The following AGBL3 variants were observed in gnomAD, a reference collection of about 807,000 sequenced individuals.
AGBL3 encodes the protein cytosolic carboxypeptidase 3.
Under a neutral mutation model 94.5 loss-of-function variants are expected in AGBL3, and 68 were observed. The ratio of observed to expected loss-of-function variants is 0.72; its 90% CI spans 0.59 to 0.88. The LOEUF is 0.88. Ranked by LOEUF, AGBL3 falls within the 40% of genes least tolerant of loss-of-function variation. AGBL3 has a pLI of 0.00. For missense variants in AGBL3, 934 were observed against 1,103.8 expected, an observed-to-expected ratio of 0.85 and a Z score of 2.18; for synonymous variants, 354 against 370.7, an observed-to-expected ratio of 0.95 and a Z score of 0.52.
intron 4 of AGBL3, among the ~76,000 whole-genome samples, chr7:134,999,896 G>A (rs1431695652): frequency 2.0e-5 from 3 of 152,176 alleles, no homozygotes; most frequent in Non-Finnish European, 4.4e-5. Context: ...ACAGGATGTT[G>A]ATTATCCACC....
intron 11 of AGBL3, among the ~76,000 whole-genome samples, chr7:135,052,858 T>C (rs1818002516): frequency 6.6e-6 from 1 of 152,168 alleles, no homozygotes; most frequent in South Asian, 2.1e-4. Flanking sequence ...TTATGGTAAA[T>C]TGGGACATAA....
At chr7:135,063,382 C>T (rs762894940) in intron 12 of AGBL3, among the ~76,000 whole-genome samples, 9 of 151,936 alleles carry the variant, frequency 5.9e-5, no homozygotes, top group Admixed American at 1.3e-4. Context: ...TCTGCTAACT[C>T]CATGCTTAGT....
rs1369173404 is a variant in AGBL3 at position 134,993,524 on chromosome 7, G to A, written c.156G>A (p.Arg52=). 3 of 1,549,532 alleles carry A rather than the reference G, an allele frequency of 1.9e-6. No individual in the cohort carries two copies. Among genetic ancestry groups the A allele is most frequent in the Non-Finnish European group, 1.7e-6 (2 of 1,146,166 alleles). Reference sequence around the variant, plus strand: ...CTTTTGGTGATCCCTTCTTCCCCCGGACTACACAGATACTATTAGAATATC... The same window carrying A: ...CTTTTGGTGATCCCTTCTTCCCCCGAACTACACAGATACTATTAGAATATC... The part of the protein sequence containing the change: ...ADSFGDPFFP[R]TTQILLEYQL... The change falls in exon 4 of 17, where the codon CGG becomes CGA. Residue 52 remains arginine (R), a synonymous_variant. Transcript: ENST00000436302.
intron 15 of AGBL3, among the ~76,000 whole-genome samples, chr7:135,082,556 T>C (rs1821004693): frequency 8.7e-6 from 1 of 115,030 alleles, no homozygotes; most frequent in African/African-American, 3.0e-5. Context: ...TTTCCATTAA[T>C]GCAGTTTAAG....
At chr7:135,110,460 G>A (rs151079560) in intron 15 of AGBL3, among the ~76,000 whole-genome samples, 10 of 152,128 alleles carry the variant, frequency 6.6e-5, no homozygotes, top group African/African-American at 2.4e-4. Flanking sequence ...ATAACCCTAT[G>A]TGTCAGACTG....
At chr7:135,040,885 C>CAAAACACA (rs60759991) in intron 8 of AGBL3, among the ~76,000 whole-genome samples, 1 of 120,974 alleles carries the variant, frequency 8.3e-6, no homozygotes. Flanking sequence ...CACACACACA[C>CAAAACACA]CACACACACA....
chr7:135,046,228 G>A (rs1817345612), intron 11 of AGBL3, among the ~76,000 whole-genome samples: 1 of 151,984 alleles, frequency 6.6e-6, no homozygotes, highest in Admixed American at 6.6e-5. Flanking sequence ...AGCAGTTTTA[G>A]ATTCACAGCA....
At chr7:134,988,843 A>G (rs961162627) in intron 2 of AGBL3, among the ~76,000 whole-genome samples, 3 of 152,144 alleles carry the variant, frequency 2.0e-5, no homozygotes, top group Admixed American at 1.3e-4. Context: ...TCACCATGTT[A>G]GCCAGGCTGG....
At chr7:135,002,527 GC>G (rs1043927436) in intron 4 of AGBL3, among the ~76,000 whole-genome samples, 1 of 152,052 alleles carries the variant, frequency 6.6e-6, no homozygotes, top group Non-Finnish European at 1.5e-5. Flanking sequence ...GTGGCCCAGA[GC>G]CCCCCACCAC....
chr7:135,082,988 A>G (rs1821044012), intron 15 of AGBL3, among the ~76,000 whole-genome samples: 1 of 152,094 alleles, frequency 6.6e-6, no homozygotes, highest in Non-Finnish European at 1.5e-5. Flanking sequence ...TCTTCCTCAC[A>G]TATTCTCAAT....
At chr7:135,101,824 T>C (rs915603442) in intron 15 of AGBL3, among the ~76,000 whole-genome samples, 8 of 152,198 alleles carry the variant, frequency 5.3e-5, no homozygotes, top group Non-Finnish European at 1.2e-4. Context: ...CATCTTCAAT[T>C]ATAGCTCCCA....
chr7:135,023,622 C>T (rs1814756018), intron 5 of AGBL3, among the ~76,000 whole-genome samples: 1 of 152,152 alleles, frequency 6.6e-6, no homozygotes, highest in Non-Finnish European at 1.5e-5. Flanking sequence ...CATAGGTGCC[C>T]ATCTTCTAAT....
intron 15 of AGBL3, among the ~76,000 whole-genome samples, chr7:135,091,237 T>C (rs1323583051): frequency 1.3e-5 from 2 of 152,146 alleles, no homozygotes; most frequent in Admixed American, 1.3e-4. Context: ...GGGTTTCTGT[T>C]ACTCCTCTCA....
intron 15 of AGBL3, among the ~76,000 whole-genome samples, chr7:135,106,122 A>ACGG (rs1824675434): frequency 6.6e-6 from 1 of 152,152 alleles, no homozygotes; most frequent in Non-Finnish European, 1.5e-5. Flanking sequence ...TTGTCAGCTG[A>ACGG]AGGAGCTTTT....
Position 135,044,149 on chromosome 7 carries a change from T to C in AGBL3, c.1625T>C (p.Leu542Pro). 2 of 1,548,440 alleles carry C rather than the reference T, an allele frequency of 1.3e-6. No homozygotes were observed. Among genetic ancestry groups the C allele is most frequent in the Middle Eastern group, 1.7e-4 (1 of 5,962 alleles). Reference protein sequence around the residue: ...TMEATFCGSTLGNKRGTHFST... With the variant: ...TMEATFCGSTPGNKRGTHFST... ...GAGGCCACCTTCTGTGGATCTACTC[T>C]GGGTAAGACCAAGGGTTCTCATTCA... is the stretch of plus-strand genomic sequence containing the variant. Residue 542 changes from leucine (L) to proline (P), a missense_variant and splice_region_variant, in exon 9 of 17, where the codon CTG becomes CCG. Physicochemically the swap from Leu to Pro is moderately conservative, Grantham distance 98. Coordinates refer to ENST00000436302, the MANE Select transcript of AGBL3 (RefSeq NM_178563.4).
Position 135,079,975 on chromosome 7 carries a change from AAATATAGTATC to A in AGBL3, c.1981-222_1981-212del, listed in dbSNP as rs537102131. On this transcript the variant is annotated intron_variant, in intron 13 of 16. Transcript: ENST00000436302. The stretch of plus-strand genomic sequence containing the variant: ...AATTTTTAAGCCCCCTTTACTGCCA[AAATATAGTATC>A]AATATTTTCTTCTACTCATTGATGC... Among the ~76,000 whole-genome samples the A allele has an allele frequency of 1.2e-3, 190 of 152,218 alleles. 3 individuals carry two copies. Among genetic ancestry groups the A allele is most frequent in the African/African-American group, 4.5e-3 (188 of 41,544 alleles).
At chr7:135,112,940 T>TCAGC (rs1825847843) in intron 15 of AGBL3, among the ~76,000 whole-genome samples, 2 of 152,210 alleles carry the variant, frequency 1.3e-5, no homozygotes, top group African/African-American at 4.8e-5. Flanking sequence ...CCATGCCGAC[T>TCAGC]TAATTTTTGT....
rs185848266 is a variant in AGBL3, at chr7:135,059,785, A to C, written c.1908+550A>C. On this transcript the variant is annotated intron_variant, in intron 12 of 16. Transcript: ENST00000436302. ...AGGTGGAGATTGCAGTTTGGGATAG[A>C]GGCTACCAAAGTGAAAGATAAATAC... is the stretch of plus-strand genomic sequence containing the variant. 1.8e-3 allele frequency among the ~76,000 whole-genome samples: 281 copies of C among 152,330 alleles called. 2 individuals carry two copies. The highest frequency in any genetic ancestry group is 0.018 in the Admixed American group (280 of 15,292).
At chr7:135,123,585 T>A (rs1562898612) in intron 16 of AGBL3, among the ~76,000 whole-genome samples, 1 of 152,028 alleles carries the variant, frequency 6.6e-6, no homozygotes, top group Non-Finnish European at 1.5e-5. Context: ...CCAAGACACA[T>A]AATCTTCAGA....
Sources: gnomAD v4.1 joint callset for allele counts (sites outside exome capture counted in the v4.1 genomes callset) on GRCh38, gnomAD v4.1.1 for gene constraint, MANE v1.5 for transcripts, NCBI Gene and HGNC (gene_info 2026-07-23, HGNC 2026-07-21) for gene names.